Variants in PKHD1 observed in about 807,000 individuals in gnomAD.
PKHD1 encodes fibrocystin.
A neutral mutation model predicts 412.0 loss-of-function variants in PKHD1; 291 were observed. The ratio of observed to expected loss-of-function variants is 0.71; its 90% CI spans 0.64 to 0.78. The LOEUF is 0.78. Among genes scored for constraint, PKHD1 ranks in the 30% least tolerant of loss-of-function variants. The pLI, the probability that PKHD1 is intolerant of heterozygous loss-of-function variation, is 0.00. For synonymous variants in PKHD1, 1,777 were observed against 1,821.5 expected (o/e 0.98, Z 0.62); for missense variants, 4,825 against 4,950.7 (o/e 0.97, Z 0.76).
chr6:51,743,079 C>T (rs933781804), intron 60 of PKHD1, among the ~76,000 whole-genome samples: 3 of 152,090 alleles, frequency 2.0e-5, no homozygotes, highest in Non-Finnish European at 4.4e-5. Flanking sequence ...TGGGCAGGAA[C>T]CAGGGGCTAC....
chr6:52,051,133 A>T (rs1408432697), intron 21 of PKHD1, among the ~76,000 whole-genome samples: 1 of 152,172 alleles, frequency 6.6e-6, no homozygotes, highest in Non-Finnish European at 1.5e-5. Flanking sequence ...TGGGTAGATC[A>T]GTTCGAGGGT....
At position 51,710,595 on chromosome 6, in the gene PKHD1, C is replaced by T. The variant is rs76429918; in HGVS notation, c.10156+33790G>A. ...TTTCACTTCTCTAAATAGTGTTTTG[C>T]CACCACTGTTCTGGGACCCAGGCCA... On this transcript the variant is annotated intron_variant, in intron 60 of 66. Coordinates refer to ENST00000371117, the MANE Select transcript of PKHD1 (RefSeq NM_138694.4). Among the ~76,000 whole-genome samples the T allele has an allele frequency of 2.6e-3, 393 of 152,032 alleles. 10 individuals carry two copies. The East Asian group carries it at 0.067, about 26-fold the overall frequency.
chr6:51,836,837 T>C (rs1012240391), intron 50 of PKHD1, among the ~76,000 whole-genome samples: 1 of 152,214 alleles, frequency 6.6e-6, no homozygotes, highest in African/African-American at 2.4e-5. Context: ...TTAGAATTCA[T>C]GTGTTTTTCA....
At chr6:51,842,384 C>T (rs1770369934) in intron 50 of PKHD1, among the ~76,000 whole-genome samples, 1 of 152,138 alleles carries the variant, frequency 6.6e-6, no homozygotes, top group African/African-American at 2.4e-5. Context: ...TGCACCCTGC[C>T]ACAACCCAAC....
At chr6:52,061,940 TG>T (rs1289440557) in intron 14 of PKHD1, among the ~76,000 whole-genome samples, 1 of 152,160 alleles carries the variant, frequency 6.6e-6, no homozygotes, top group Non-Finnish European at 1.5e-5. Flanking sequence ...GCTACATCCT[TG>T]AAGGGACTAA....
At chr6:51,626,531 T>G (rs1196480443) in intron 66 of PKHD1, among the ~76,000 whole-genome samples, 1 of 152,208 alleles carries the variant, frequency 6.6e-6, no homozygotes, top group Non-Finnish European at 1.5e-5. Context: ...TACTACATTT[T>G]GCTAAAAGTA....
intron 60 of PKHD1, among the ~76,000 whole-genome samples, chr6:51,681,852 A>G (rs1313598218): frequency 2.0e-5 from 3 of 152,102 alleles, no homozygotes; most frequent in African/African-American, 7.2e-5. Context: ...GAGTTGAGAA[A>G]TTGTGACAGA....
Position 51,616,526 on chromosome 6 carries a change from C to CG in PKHD1, c.*2554_*2555insC, listed in dbSNP as rs1194954871. 5.2e-6 allele frequency: 2 copies of CG among 386,666 alleles called. No individual in the cohort carries two copies. Among genetic ancestry groups the CG allele is most frequent in the African/African-American group, 4.3e-5 (2 of 46,282 alleles). The allele number at this position is 386,666 out of a possible 1,614,324, so 24.0% of individuals were successfully genotyped here. On this transcript the variant is annotated 3_prime_UTR_variant, in exon 67 of 67. Coordinates refer to ENST00000371117, the MANE Select transcript of PKHD1 (RefSeq NM_138694.4). ...GCTTTTGGTGTTTCCCTAATTCTCT[C>CG]ATTTTTTTTTTTTTTTAGGAGAAAG...
intron 52 of PKHD1, among the ~76,000 whole-genome samples, chr6:51,827,973 A>T (rs1269807360): frequency 1.3e-5 from 2 of 152,116 alleles, no homozygotes; most frequent in Non-Finnish European, 1.5e-5. Context: ...TTTGGGAAGT[A>T]TCTCCAGTTT....
chr6:51,739,665 C>T lies in PKHD1; in HGVS notation c.10156+4720G>A, dbSNP rs114521146. Reference sequence around the variant, plus strand: ...TTGCTATAGTTTCCATGCTTAGAGACGCTCTGGTAGACAGAAAGTAGGCAA... The same window carrying T: ...TTGCTATAGTTTCCATGCTTAGAGATGCTCTGGTAGACAGAAAGTAGGCAA... On this transcript the variant is annotated intron_variant, in intron 60 of 66. Transcript: ENST00000371117. Among the ~76,000 whole-genome samples, 522 of 152,282 alleles carry T rather than the reference C, an allele frequency of 3.4e-3. 2 individuals carry two copies. The highest frequency in any genetic ancestry group is 0.011 in the African/African-American group (465 of 41,556).
At chr6:51,661,434 C>A (rs1478618615) in intron 60 of PKHD1, among the ~76,000 whole-genome samples, 1 of 151,738 alleles carries the variant, frequency 6.6e-6, no homozygotes, top group Non-Finnish European at 1.5e-5. Context: ...ATTATGAAGG[C>A]ATATTAAAAT....
intron 43 of PKHD1, among the ~76,000 whole-genome samples, chr6:51,903,104 G>C (rs927345364): frequency 6.6e-5 from 10 of 152,270 alleles, no homozygotes; most frequent in African/African-American, 2.4e-4. Context: ...ACCAGGAAAC[G>C]ATCAATATCT....
chr6:51,949,688 A>G lies in PKHD1; in HGVS notation c.5908+10182T>C, dbSNP rs190353124. Among the ~76,000 whole-genome samples the G allele has an allele frequency of 3.9e-5, 6 of 152,306 alleles. No homozygotes were observed. In the East Asian group the frequency reaches 9.7e-4, roughly 25 times the overall value. On this transcript the variant is annotated intron_variant, in intron 36 of 66. Coordinates refer to ENST00000371117, the MANE Select transcript of PKHD1 (RefSeq NM_138694.4). ...CCCCCAAGAGCTTAGTCCACGCTCC[A>G]TAATCCTATCCACTAGCAGCTCAGG...
At chr6:51,841,924 T>A (rs1770280108) in intron 50 of PKHD1, among the ~76,000 whole-genome samples, 1 of 152,212 alleles carries the variant, frequency 6.6e-6, no homozygotes, top group Non-Finnish European at 1.5e-5. Flanking sequence ...GAGCCTAGGC[T>A]CCAACCCAGG....
intron 33 of PKHD1, among the ~76,000 whole-genome samples, chr6:52,021,214 T>C (rs1438411014): frequency 1.3e-5 from 2 of 152,226 alleles, no homozygotes; most frequent in Non-Finnish European, 2.9e-5. Context: ...TTTTCCTCTT[T>C]AAAAAATCAT....
At chr6:52,042,174 C>T (rs563608088) in intron 27 of PKHD1, among the ~76,000 whole-genome samples, 7 of 152,162 alleles carry the variant, frequency 4.6e-5, no homozygotes, top group South Asian at 2.1e-4. Flanking sequence ...TGGGGTGGGC[C>T]TCATAATTCA....
chr6:51,676,089 G>A (rs1419567544), intron 60 of PKHD1, among the ~76,000 whole-genome samples: 1 of 152,056 alleles, frequency 6.6e-6, no homozygotes, highest in Non-Finnish European at 1.5e-5. Flanking sequence ...GTGAGTGCAT[G>A]TGTAGATTCA....
chr6:51,850,449 T>C (rs1771992867), intron 49 of PKHD1, among the ~76,000 whole-genome samples: 1 of 152,210 alleles, frequency 6.6e-6, no homozygotes, highest in South Asian at 2.1e-4. Flanking sequence ...GGTAGTTTGA[T>C]GGGAATAGCA....
At chr6:51,823,318 A>C (rs575743682) in intron 52 of PKHD1, among the ~76,000 whole-genome samples, 2 of 152,200 alleles carry the variant, frequency 1.3e-5, no homozygotes, top group African/African-American at 4.8e-5. Flanking sequence ...ATGCTTGCCA[A>C]TTACCGCCAC....
Sources: allele counts gnomAD v4.1 joint callset (sites outside exome capture counted in the v4.1 genomes callset), GRCh38; gene constraint gnomAD v4.1.1; transcripts MANE v1.5; gene names NCBI Gene and HGNC (gene_info 2026-07-23, HGNC 2026-07-21).